Variants in CSMD3 observed in about 807,000 individuals in gnomAD.
CSMD3 encodes CUB and Sushi multiple domains 3, also known as CUB and sushi domain-containing protein 3.
In CSMD3, 177 loss-of-function variants were observed where a neutral mutation model predicts 435.2. The ratio of observed to expected loss-of-function variants is 0.41; its 90% CI spans 0.36 to 0.46. The LOEUF is 0.46. CSMD3 is among the 20% of genes least tolerant of loss of function. The pLI is 0.34. For missense variants in CSMD3, 4,265 were observed against 4,504.6 expected, an observed-to-expected ratio of 0.95 and a Z score of 1.52; for synonymous variants, 1,656 against 1,520.5, an observed-to-expected ratio of 1.09 and a Z score of -2.07.
At chr8:112,646,519 T>G (rs760196047) in intron 19 of CSMD3, among the ~76,000 whole-genome samples, 7 of 152,132 alleles carry the variant, frequency 4.6e-5, no homozygotes, top group Non-Finnish European at 7.4e-5. Flanking sequence ...TTCTTGGGAA[T>G]TTTTTTGTCT....
intron 20 of CSMD3, 116 bp downstream of exon 20, chr8:112,644,993 T>C: frequency 9.3e-6 from 7 of 756,704 alleles, no homozygotes; most frequent in South Asian, 1.4e-5. Context: ...TTTAGCATAT[T>C]GTAGTACTGA....
At chr8:113,211,391 A>G (rs1421088460) in intron 3 of CSMD3, among the ~76,000 whole-genome samples, 1 of 152,190 alleles carries the variant, frequency 6.6e-6, no homozygotes, top group Non-Finnish European at 1.5e-5. Flanking sequence ...TTGTAAAACA[A>G]GGACCGTAAT....
chr8:112,228,923 A>T, intron 69 of CSMD3, 32 bp from the exon 70 acceptor site: 3 of 1,133,958 alleles, frequency 2.6e-6, no homozygotes, highest in Non-Finnish European at 3.9e-6. Context: ...ATAAATACAC[A>T]ACTCTTTTAT....
chr8:113,412,823 C>A (rs977387288), intron 1 of CSMD3, among the ~76,000 whole-genome samples: 2 of 151,620 alleles, frequency 1.3e-5, no homozygotes, highest in Non-Finnish European at 2.9e-5. Context: ...AAAAAACAAA[C>A]CAAAGCACGG....
At chr8:113,134,219 C>T (rs2091357127) in intron 4 of CSMD3, among the ~76,000 whole-genome samples, 1 of 151,938 alleles carries the variant, frequency 6.6e-6, no homozygotes, top group African/African-American at 2.4e-5. Flanking sequence ...AAAGTCTTTC[C>T]AGCATTTTGT....
chr8:112,972,561 G>T (rs929671194), intron 7 of CSMD3, among the ~76,000 whole-genome samples: 19 of 151,530 alleles, frequency 1.3e-4, no homozygotes, highest in African/African-American at 4.1e-4. Flanking sequence ...TGAAAATATT[G>T]TTGCCTTTAT....
intron 38 of CSMD3, among the ~76,000 whole-genome samples, chr8:112,358,011 A>G (rs1393666404): frequency 6.6e-6 from 1 of 152,172 alleles, no homozygotes; most frequent in East Asian, 1.9e-4. Context: ...ACTCAATGTT[A>G]GCAGACAGGA....
chr8:113,318,644 T>TA (rs528884477), intron 1 of CSMD3, among the ~76,000 whole-genome samples: 1 of 151,938 alleles, frequency 6.6e-6, no homozygotes, highest in Non-Finnish European at 1.5e-5. Context: ...TTAAGCTTTT[T>TA]AAAAAAAATA....
chr8:112,319,041 TTTAG>T, intron 46 of CSMD3, 91 bp from the exon 47 acceptor site: 1 of 787,918 alleles, frequency 1.3e-6, no homozygotes, highest in Non-Finnish European at 2.2e-6. Flanking sequence ...TATTTTCTCC[TTTAG>T]TTATTTTCAA....
At chr8:113,170,532 G>A (rs2092248837) in intron 4 of CSMD3, among the ~76,000 whole-genome samples, 1 of 152,006 alleles carries the variant, frequency 6.6e-6, no homozygotes, top group South Asian at 2.1e-4. Flanking sequence ...TTAAAGCGTT[G>A]TCCCTAGCTG....
rs1812336865 is a variant in CSMD3 at position 112,223,653 on chromosome 8, A to G, written c.*1118T>C. The G allele has an allele frequency of 6.6e-6, 1 of 152,180 alleles. No homozygotes were observed. The highest frequency in any genetic ancestry group is 2.4e-5 in the African/African-American group (1 of 41,460). The allele number at this position is 152,180 out of a possible 1,614,324, so 9.4% of individuals were successfully genotyped here. ...TATGATAAGTCCACAATTGTAGGCA[A>G]TAAATTTATATTGGTGATTTATAAT... On this transcript the variant is annotated 3_prime_UTR_variant, in exon 71 of 71. Transcript: ENST00000297405.
chr8:112,924,951 T>G (rs1271781180), intron 9 of CSMD3, among the ~76,000 whole-genome samples: 2 of 152,162 alleles, frequency 1.3e-5, no homozygotes, highest in Non-Finnish European at 2.9e-5. Flanking sequence ...TAAAATGAAG[T>G]CCTCATAGTC....
intron 9 of CSMD3, among the ~76,000 whole-genome samples, chr8:112,926,067 A>G (rs574632993): frequency 3.0e-4 from 46 of 152,222 alleles, no homozygotes; most frequent in Non-Finnish European, 4.1e-4. Context: ...CAAAAATATA[A>G]AAGTGCAAAA....
At chr8:112,323,140 A>G (rs1823158166) in intron 45 of CSMD3, among the ~76,000 whole-genome samples, 1 of 125,030 alleles carries the variant, frequency 8.0e-6, no homozygotes, top group African/African-American at 3.3e-5. Context: ...AGGGGAAAGG[A>G]GTAATGAAAA....
intron 4 of CSMD3, among the ~76,000 whole-genome samples, chr8:113,109,672 T>G (rs2090580734): frequency 6.6e-6 from 1 of 152,166 alleles, no homozygotes; most frequent in Non-Finnish European, 1.5e-5. Context: ...GGCCCTATCT[T>G]CAAATCGGCT....
Position 113,267,413 on chromosome 8 carries a change from TA to T in CSMD3, c.514+11178del, listed in dbSNP as rs374075722. ...CACACAATGGAATACTATTTGACCA[TA>T]AAAAAGAGTTAAGTCATGCCATTTG... On this transcript the variant is annotated intron_variant, in intron 3 of 70. Coordinates refer to ENST00000297405, the MANE Select transcript of CSMD3 (RefSeq NM_198123.2). Among the ~76,000 whole-genome samples, 16 of 151,794 alleles carry T rather than the reference TA, an allele frequency of 1.1e-4. 1 individual carries two copies. The highest frequency in any genetic ancestry group is 3.6e-4 in the African/African-American group (15 of 41,490).
intron 11 of CSMD3, among the ~76,000 whole-genome samples, chr8:112,831,226 A>T (rs552947724): frequency 5.9e-5 from 9 of 152,304 alleles, no homozygotes; most frequent in East Asian, 5.8e-4. Context: ...ATCATAATTT[A>T]AAAAATATGT....
At chr8:113,346,480 T>C (rs1376548519) in intron 1 of CSMD3, among the ~76,000 whole-genome samples, 1 of 152,162 alleles carries the variant, frequency 6.6e-6, no homozygotes, top group Non-Finnish European at 1.5e-5. Context: ...CTTTTCTGAC[T>C]GTGGTAAAAA....
chr8:112,302,344 C>T (rs1004604967), intron 52 of CSMD3, among the ~76,000 whole-genome samples: 28 of 151,268 alleles, frequency 1.9e-4, no homozygotes, highest in African/African-American at 6.8e-4. Context: ...TTGGGCAAGC[C>T]CTTTGACTTA....
Sources: gnomAD v4.1 joint callset for allele counts (sites outside exome capture counted in the v4.1 genomes callset) on GRCh38, gnomAD v4.1.1 for gene constraint, MANE v1.5 for transcripts, NCBI Gene and HGNC (gene_info 2026-07-23, HGNC 2026-07-21) for gene names.